Variants in TMPRSS15 observed in about 807,000 individuals in gnomAD.
The protein encoded by TMPRSS15 is transmembrane serine protease 15, also known as enteropeptidase.
In TMPRSS15, 128 loss-of-function variants were observed where a neutral mutation model predicts 125.3. The observed-to-expected ratio is 1.02, with a 90% CI of 0.89 to 1.18. TMPRSS15 has a LOEUF of 1.18. TMPRSS15 is among the 50% of genes most tolerant of loss of function. The probability of loss-of-function intolerance (pLI) is 0.00; values close to 1 mark genes in which losing one functional copy is unlikely to be tolerated. For synonymous variants in TMPRSS15, 446 were observed against 423.2 expected, an observed-to-expected ratio of 1.05 and a Z score of -0.66; for missense variants, 1,283 against 1,212.7, an observed-to-expected ratio of 1.06 and a Z score of -0.86.
rs745463205 is a variant in TMPRSS15 at position 18,297,748 on chromosome 21, T to A, written c.2247A>T (p.Leu749Phe). Residue 749 changes from leucine to phenylalanine, a missense_variant, in exon 19 of 25, where the codon TTA becomes TTT. Coordinates refer to ENST00000284885, the MANE Select transcript of TMPRSS15 (RefSeq NM_002772.3). The part of the protein sequence containing the change: ...VKLNTAPDGH[L>F]ILTPSQQCLQ... ...TAGGGACCCACCTGGGTGTTAGTATTAAGTGGCCATCAGGTGCTGTGTTTA... is the reference window on the plus strand; with the variant it reads ...TAGGGACCCACCTGGGTGTTAGTATAAAGTGGCCATCAGGTGCTGTGTTTA... 1.2e-6 allele frequency: 2 copies of A among 1,613,380 alleles called. No homozygotes were observed. Among genetic ancestry groups the A allele is most frequent in the Non-Finnish European group, 1.7e-6 (2 of 1,179,364 alleles).
intron 1 of TMPRSS15, among the ~76,000 whole-genome samples, chr21:18,457,341 G>A (rs1216448964): frequency 6.6e-6 from 1 of 152,014 alleles, no homozygotes; most frequent in Non-Finnish European, 1.5e-5. Context: ...AAAAATATTG[G>A]AGACACGTAC....
intron 7 of TMPRSS15, among the ~76,000 whole-genome samples, chr21:18,361,890 A>T (rs2075682428): frequency 6.6e-6 from 1 of 152,116 alleles, no homozygotes; most frequent in Admixed American, 6.6e-5. Context: ...TATTAAAAAA[A>T]AAACAAACCC....
chr21:18,353,178 A>AT, intron 9 of TMPRSS15, 126 bp from the exon 10 acceptor site: 1 of 854,698 alleles, frequency 1.2e-6, no homozygotes, highest in Non-Finnish European at 1.8e-6. Context: ...CAAAATCATT[A>AT]TTTTTTATTG....
chr21:18,337,205 C>A (rs1340367797), intron 13 of TMPRSS15, among the ~76,000 whole-genome samples: 1 of 151,990 alleles, frequency 6.6e-6, no homozygotes, highest in Non-Finnish European at 1.5e-5. Context: ...TGCCAAATTA[C>A]CTTTAATTTA....
At chr21:18,329,378 A>G in intron 14 of TMPRSS15, 84 bp from the exon 15 acceptor site, 1 of 1,387,062 alleles carries the variant, frequency 7.2e-7, no homozygotes, top group Non-Finnish European at 9.7e-7. Flanking sequence ...ATTTCAAATA[A>G]CTTAAAAAAA....
intron 1 of TMPRSS15, among the ~76,000 whole-genome samples, chr21:18,482,397 C>T (rs1978997832): frequency 6.6e-6 from 1 of 151,188 alleles, no homozygotes; most frequent in Admixed American, 6.6e-5. Flanking sequence ...TATTTAGCAA[C>T]AATATATTAT....
chr21:18,271,243 T>G (rs959523849), intron 24 of TMPRSS15, among the ~76,000 whole-genome samples: 5 of 152,358 alleles, frequency 3.3e-5, no homozygotes, highest in Non-Finnish European at 5.9e-5. Context: ...TTCTGAAATA[T>G]TTATGGAACA....
At chr21:18,309,465 C>G (rs1415330158) in intron 18 of TMPRSS15, among the ~76,000 whole-genome samples, 1 of 152,044 alleles carries the variant, frequency 6.6e-6, no homozygotes, top group Admixed American at 6.6e-5. Flanking sequence ...TTAGAGTGAA[C>G]AGGCAACCTA....
intron 16 of TMPRSS15, among the ~76,000 whole-genome samples, chr21:18,317,649 AG>A (rs2075181460): frequency 6.6e-6 from 1 of 152,166 alleles, no homozygotes; most frequent in Admixed American, 6.6e-5. Flanking sequence ...CTCTGACATT[AG>A]TATGAAACAG....
chr21:18,464,359 A>C (rs1409216267), intron 1 of TMPRSS15, among the ~76,000 whole-genome samples: 1 of 152,000 alleles, frequency 6.6e-6, no homozygotes, highest in Non-Finnish European at 1.5e-5. Flanking sequence ...GAACTAGAGA[A>C]GCAAGAGCAA....
chr21:18,445,459 G>A (rs1332439889), intron 1 of TMPRSS15, among the ~76,000 whole-genome samples: 1 of 152,038 alleles, frequency 6.6e-6, no homozygotes, highest in African/African-American at 2.4e-5. Context: ...CGAATTGTAG[G>A]CATGAGCTGC....
chr21:18,353,142 T>C, intron 9 of TMPRSS15, 90 bp from the exon 10 acceptor site: 2 of 1,079,998 alleles, frequency 1.9e-6, no homozygotes, highest in Admixed American at 1.9e-5. Flanking sequence ...TCTAACCTTA[T>C]ACAGCTTATA....
intron 1 of TMPRSS15, among the ~76,000 whole-genome samples, chr21:18,483,257 C>T (rs921813235): frequency 1.3e-4 from 19 of 151,652 alleles, no homozygotes; most frequent in African/African-American, 4.6e-4. Context: ...TGTGAGTTTC[C>T]GGCAGGGAAA....
chr21:18,325,201 A>C (rs910567868), intron 16 of TMPRSS15, among the ~76,000 whole-genome samples: 5 of 151,926 alleles, frequency 3.3e-5, no homozygotes, highest in African/African-American at 4.8e-5. Context: ...ACTCTAAGAT[A>C]AATTATAATT....
intron 16 of TMPRSS15, among the ~76,000 whole-genome samples, chr21:18,322,233 G>C (rs2075246109): frequency 6.6e-6 from 1 of 152,146 alleles, no homozygotes; most frequent in South Asian, 2.1e-4. Context: ...AGGATGCAGA[G>C]AAAGGGGAAC....
chr21:18,472,455 T>TTATATATATATATATA (rs34604020), intron 1 of TMPRSS15, among the ~76,000 whole-genome samples: 157 of 143,154 alleles, frequency 1.1e-3, no homozygotes, highest in South Asian at 3.3e-3. Context: ...GCTAAAAGAA[T>TTATATATATATATATA]TATATATATA....
chr21:18,384,676 A>G (rs1297038443), intron 3 of TMPRSS15, among the ~76,000 whole-genome samples: 4 of 152,120 alleles, frequency 2.6e-5, no homozygotes, highest in Non-Finnish European at 4.4e-5. Flanking sequence ...TCTGATATTT[A>G]TTCTATACCC....
chr21:18,312,354 A>G (rs1194264879), intron 18 of TMPRSS15, among the ~76,000 whole-genome samples: 1 of 151,810 alleles, frequency 6.6e-6, no homozygotes, highest in African/African-American at 2.4e-5. Context: ...TTGATGAGTT[A>G]TTAATTGGAA....
At chr21:18,287,140 A>T in intron 21 of TMPRSS15, among the ~76,000 whole-genome samples, 1 of 152,236 alleles carries the variant, frequency 6.6e-6, no homozygotes, top group Non-Finnish European at 1.5e-5. Context: ...ATGTCATATA[A>T]ACCTTATCAG....
Sources: gnomAD v4.1 joint callset for allele counts (sites outside exome capture counted in the v4.1 genomes callset) on GRCh38, gnomAD v4.1.1 for gene constraint, MANE v1.5 for transcripts, NCBI Gene and HGNC (gene_info 2026-07-23, HGNC 2026-07-21) for gene names.